PLEKHG1: variants seen among roughly 807,000 people sequenced by gnomAD.
The protein encoded by PLEKHG1 is pleckstrin homology and RhoGEF domain containing G1.
PLEKHG1 carries 44 observed loss-of-function variants against 100.8 expected under a neutral mutation model. The observed-to-expected ratio is 0.44, with a 90% CI of 0.34 to 0.56. The LOEUF is 0.56. PLEKHG1 is among the 20% of genes least tolerant of loss of function. The pLI is 0.01. For synonymous variants in PLEKHG1, 640 were observed against 662.5 expected, an observed-to-expected ratio of 0.97 and a Z score of 0.52; for missense variants, 1,545 against 1,720.9, an observed-to-expected ratio of 0.90 and a Z score of 1.81.
chr6:150,646,847 G>A lies in PLEKHG1; in HGVS notation c.-157-3881G>A, dbSNP rs137977328. Among the ~76,000 whole-genome samples, 13 of 152,146 alleles carry A rather than the reference G, an allele frequency of 8.5e-5. No individual in the cohort carries two copies. In the East Asian group the frequency reaches 1.2e-3, roughly 14 times the overall value. On this transcript the variant is annotated intron_variant, in intron 2 of 3. Transcript: ENST00000367326. Reference sequence around the variant, plus strand: ...TCTTTTCATGTACTTGACCATCTTCGTTACGGACTTAAATCATATTTTCTG... The same window carrying A: ...TCTTTTCATGTACTTGACCATCTTCATTACGGACTTAAATCATATTTTCTG...
chr6:150,633,451 G>C (rs183082118), intron 1 of PLEKHG1: 43 of 153,006 alleles, frequency 2.8e-4, no homozygotes, highest in Middle Eastern at 3.3e-3. Context: ...CCGAGTCGCA[G>C]GTGAAGCTGG....
At chr6:150,716,062 C>G (rs1241263366) in intron 3 of PLEKHG1, among the ~76,000 whole-genome samples, 2 of 147,198 alleles carry the variant, frequency 1.4e-5, no homozygotes, top group Non-Finnish European at 3.0e-5. Context: ...GAGCCGAGAT[C>G]GCGCCACTGC....
At chr6:150,672,025 G>T (rs1779603480) in intron 3 of PLEKHG1, among the ~76,000 whole-genome samples, 1 of 152,178 alleles carries the variant, frequency 6.6e-6, no homozygotes, top group African/African-American at 2.4e-5. Flanking sequence ...AAGTGGGGTG[G>T]TAAAGAGATG....
chr6:150,653,863 A>G (rs1434406204), intron 3 of PLEKHG1, among the ~76,000 whole-genome samples: 1 of 152,240 alleles, frequency 6.6e-6, no homozygotes, highest in African/African-American at 2.4e-5. Context: ...GAAGAAAGAA[A>G]TGGCATGTTG....
chr6:150,794,359 T>C (rs1425401714), intron 4 of PLEKHG1, among the ~76,000 whole-genome samples: 1 of 152,154 alleles, frequency 6.6e-6, no homozygotes, highest in Non-Finnish European at 1.5e-5. Context: ...GTAACAATGG[T>C]ATTATGTTTA....
At chr6:150,752,176 A>G (rs1048430213) in intron 2 of PLEKHG1, among the ~76,000 whole-genome samples, 2 of 151,872 alleles carry the variant, frequency 1.3e-5, no homozygotes, top group Non-Finnish European at 2.9e-5. Context: ...ACAGAGCGAG[A>G]CTCTGTCTCA....
At chr6:150,773,453 G>A (rs1784803744) in intron 3 of PLEKHG1, among the ~76,000 whole-genome samples, 1 of 152,246 alleles carries the variant, frequency 6.6e-6, no homozygotes. Flanking sequence ...AGAATTGCTT[G>A]AGCCCGGGAG....
chr6:150,622,778 G>C (rs372170625), intron 1 of PLEKHG1, among the ~76,000 whole-genome samples: 9 of 152,256 alleles, frequency 5.9e-5, no homozygotes, highest in South Asian at 2.1e-4. Context: ...CAGGAGATTG[G>C]ACAATTTTTC....
intron 3 of PLEKHG1, among the ~76,000 whole-genome samples, chr6:150,666,782 A>G: frequency 6.8e-6 from 1 of 146,744 alleles, no homozygotes; most frequent in African/African-American, 2.5e-5. Flanking sequence ...TTTTTTTGAG[A>G]TGGAGTCTCA....
chr6:150,782,143 C>A (rs962394279), intron 3 of PLEKHG1, among the ~76,000 whole-genome samples: 6 of 151,750 alleles, frequency 4.0e-5, no homozygotes, highest in African/African-American at 1.5e-4. Flanking sequence ...AGTAGCCAGG[C>A]GTGGGGGCTC....
At chr6:150,841,837 A>G (rs1487011144) in exon 16 of PLEKHG1, 1 of 152,250 alleles carries the variant, frequency 6.6e-6, no homozygotes, top group Non-Finnish European at 1.5e-5. Context: ...TATCCTTTCC[A>G]GAGCGCTTTG....
rs1163990344 is a variant in PLEKHG1, at chr6:150,600,582, C to T, written c.-204+565C>T. ...GGCGCTCAGGGCTTGGGGGCGCCCCCGTTCTGCAGATGCGCTTTTCAGGGG... is the reference window on the plus strand; with the variant it reads ...GGCGCTCAGGGCTTGGGGGCGCCCCTGTTCTGCAGATGCGCTTTTCAGGGG... On this transcript the variant is annotated intron_variant, in intron 1 of 3. Coordinates refer to the PLEKHG1 transcript ENST00000367326. This position sits in a 1 kb window ranked among gnomAD's most constrained non-coding sequence, Gnocchi z 6.2. Among the ~76,000 whole-genome samples, 1 of 152,206 alleles carries T rather than the reference C, an allele frequency of 6.6e-6. No homozygotes were observed. Among genetic ancestry groups the T allele is most frequent in the African/African-American group, 2.4e-5 (1 of 41,462 alleles).
intron 1 of PLEKHG1, among the ~76,000 whole-genome samples, chr6:150,724,353 A>G (rs1474715687): frequency 1.3e-5 from 2 of 152,212 alleles, no homozygotes; most frequent in Non-Finnish European, 2.9e-5. Flanking sequence ...CCATCACTAA[A>G]GAAAAGGGTA....
At chr6:150,727,318 C>T (rs527778860) in intron 1 of PLEKHG1, among the ~76,000 whole-genome samples, 16 of 152,224 alleles carry the variant, frequency 1.1e-4, no homozygotes, top group Middle Eastern at 3.4e-3. Flanking sequence ...CAGATGTCCC[C>T]GTTCTCCATG....
chr6:150,832,182 A>G lies in PLEKHG1; in HGVS notation c.3071A>G (p.Lys1024Arg), dbSNP rs780771753. The G allele has an allele frequency of 2.4e-5, 39 of 1,600,938 alleles. No individual in the cohort carries two copies. The East Asian group carries it at 6.2e-4, about 26-fold the overall frequency. ...GACCTGGCTGCCATCTTGGAAGAGA[A>G]GAAGCAAGGAGGGCCCGCCATTGGT... Residue 1024 changes from lysine to arginine, a missense_variant, in exon 15 of 16, where the codon AAG becomes AGG. Lys to Arg is a conservative substitution (Grantham distance 26, BLOSUM62 2). Coordinates refer to ENST00000358517, the Ensembl canonical transcript of PLEKHG1.
chr6:150,738,112 C>T (rs1021180483), intron 2 of PLEKHG1, among the ~76,000 whole-genome samples: 3 of 152,128 alleles, frequency 2.0e-5, no homozygotes, highest in Non-Finnish European at 2.9e-5. Flanking sequence ...CTGAGCCCAG[C>T]CTTAGCTGGC....
In PLEKHG1 at chr6:150,606,922, A is replaced by G. The variant is rs374882801; in HGVS notation, c.-204+6905A>G. Among the ~76,000 whole-genome samples the G allele has an allele frequency of 1.3e-3, 196 of 152,196 alleles. 2 individuals are homozygous for G. The South Asian group carries it at 0.033, about 25-fold the overall frequency. On this transcript the variant is annotated intron_variant, in intron 1 of 3. Transcript: ENST00000367326. Reference sequence around the variant, plus strand: ...CTCTCCCAACTCTGCTAGGGAAGCCAGAGCAAAGCCCCTTCCTGCACCCTG... The same window carrying G: ...CTCTCCCAACTCTGCTAGGGAAGCCGGAGCAAAGCCCCTTCCTGCACCCTG...
intron 1 of PLEKHG1, among the ~76,000 whole-genome samples, chr6:150,630,951 C>T (rs916008144): frequency 6.6e-6 from 1 of 151,998 alleles, no homozygotes; most frequent in African/African-American, 2.4e-5. Flanking sequence ...CAAGGAGAGT[C>T]GATCATTGGA....
At chr6:150,758,146 C>T (rs1395150386) in intron 2 of PLEKHG1, among the ~76,000 whole-genome samples, 3 of 152,128 alleles carry the variant, frequency 2.0e-5, no homozygotes, top group Non-Finnish European at 4.4e-5. Context: ...AACATACGCA[C>T]ACATGTATCT....
Sources: allele counts gnomAD v4.1 joint callset (sites outside exome capture counted in the v4.1 genomes callset), GRCh38; gene constraint gnomAD v4.1.1; non-coding constraint Gnocchi (gnomAD v3.1); transcripts MANE v1.5; gene names NCBI Gene and HGNC (gene_info 2026-07-23, HGNC 2026-07-21).